Variants in CPA6 observed in about 807,000 individuals in gnomAD.
The protein encoded by CPA6 is carboxypeptidase B.
A neutral mutation model predicts 63.3 loss-of-function variants in CPA6; 58 were observed. That is an observed-to-expected ratio of 0.92 (90% CI 0.74 to 1.14). The LOEUF is 1.14. Among genes scored for constraint, CPA6 ranks in the 50% most tolerant of loss-of-function variants. The pLI, the probability that CPA6 is intolerant of heterozygous loss-of-function variation, is 0.00. For synonymous variants in CPA6, 185 were observed against 179.0 expected (o/e 1.03, Z -0.27); for missense variants, 565 against 526.6 (o/e 1.07, Z -0.71).
rs375296440 is a variant in CPA6, at chr8:67,483,816, G to A, written c.790C>T (p.Arg264Cys). The A allele has an allele frequency of 5.0e-6, 8 of 1,614,018 alleles. No individual in the cohort carries two copies. The highest frequency in any genetic ancestry group is 1.7e-5 in the Admixed American group (1 of 60,004). The change falls in exon 8 of 11, where the codon CGC becomes TGC. Residue 264 changes from arginine to cysteine, a missense_variant. Transcript: ENST00000297770. ...CTATTGGCATCCACTCCACGGCAGC[G>A]AAACCTTGAGTTCCTTGACCTTGTT... ...RKTRSRNSRF[R>C]CRGVDANRNW...
chr8:67,657,021 C>T (rs1214367605), intron 1 of CPA6, among the ~76,000 whole-genome samples: 1 of 152,208 alleles, frequency 6.6e-6, no homozygotes, highest in African/African-American at 2.4e-5. Context: ...TTCTACCTCC[C>T]ATCTCCCTAC....
chr8:67,438,186 G>A (rs901405378), intron 8 of CPA6, among the ~76,000 whole-genome samples: 1 of 152,168 alleles, frequency 6.6e-6, no homozygotes, highest in African/African-American at 2.4e-5. Flanking sequence ...CGAAAGTGCT[G>A]GGATTACAGG....
At chr8:67,639,579 AG>A (rs1427677778) in intron 1 of CPA6, among the ~76,000 whole-genome samples, 1 of 151,574 alleles carries the variant, frequency 6.6e-6, no homozygotes, top group East Asian at 1.9e-4. Context: ...GGTGCCCGGA[AG>A]CTTGGGATGC....
At chr8:67,430,273 A>G (rs1176529174) in intron 9 of CPA6, among the ~76,000 whole-genome samples, 1 of 149,990 alleles carries the variant, frequency 6.7e-6, no homozygotes, top group East Asian at 2.0e-4. Flanking sequence ...TCTGCCTACC[A>G]GGTTCAAGTC....
chr8:67,626,676 A>G (rs781568167), intron 1 of CPA6, among the ~76,000 whole-genome samples: 1 of 152,130 alleles, frequency 6.6e-6, no homozygotes, highest in Non-Finnish European at 1.5e-5. Flanking sequence ...TGGATTCATC[A>G]TACCCTGGCC....
intron 2 of CPA6, among the ~76,000 whole-genome samples, chr8:67,543,978 G>A (rs1260160175): frequency 6.6e-6 from 1 of 151,952 alleles, no homozygotes; most frequent in Non-Finnish European, 1.5e-5. Context: ...TGTAGAGATA[G>A]AGTCTTTCTC....
At chr8:67,698,247 C>G (rs921575465) in intron 1 of CPA6, among the ~76,000 whole-genome samples, 16 of 152,116 alleles carry the variant, frequency 1.1e-4, no homozygotes, top group African/African-American at 3.1e-4. Flanking sequence ...ATAAAAATAA[C>G]CTGATATAAA....
At chr8:67,722,466 A>G (rs1817519812) in intron 1 of CPA6, among the ~76,000 whole-genome samples, 1 of 152,330 alleles carries the variant, frequency 6.6e-6, no homozygotes, top group Non-Finnish European at 1.5e-5. Context: ...TTCCTTCTAG[A>G]TGTGTGCGGT....
chr8:67,651,445 T>TTTTA lies in CPA6; in HGVS notation c.117-27198_117-27195dup, dbSNP rs539793615. ...CTGCCTCACACCACACGCCATTTCC[T>TTTTA]TTTATTTATTTATTTATTTTTTAAT... On this transcript the variant is annotated intron_variant, in intron 1 of 10. Coordinates refer to ENST00000297770, the MANE Select transcript of CPA6 (RefSeq NM_020361.5). Among the ~76,000 whole-genome samples the TTTTA allele has an allele frequency of 4.6e-5, 7 of 152,274 alleles. No homozygotes were observed. The South Asian group carries it at 6.2e-4, about 14-fold the overall frequency.
intron 2 of CPA6, among the ~76,000 whole-genome samples, chr8:67,567,170 C>T (rs894724644): frequency 2.0e-5 from 3 of 152,120 alleles, no homozygotes; most frequent in African/African-American, 7.2e-5. Flanking sequence ...ATTATTCAGA[C>T]AATAGGGTCA....
intron 8 of CPA6, among the ~76,000 whole-genome samples, chr8:67,435,420 T>G (rs1182541446): frequency 6.6e-6 from 1 of 151,970 alleles, no homozygotes; most frequent in African/African-American, 2.4e-5. Context: ...CCCACAGATG[T>G]TGGGGGCTGG....
At chr8:67,611,151 C>T (rs373015569) in intron 2 of CPA6, among the ~76,000 whole-genome samples, 2 of 151,718 alleles carry the variant, frequency 1.3e-5, no homozygotes, top group East Asian at 3.9e-4. Flanking sequence ...GGTGCAATGC[C>T]GGCTCACTGC....
intron 2 of CPA6, among the ~76,000 whole-genome samples, chr8:67,564,327 G>T (rs1366535107): frequency 6.6e-6 from 1 of 151,372 alleles, no homozygotes; most frequent in Non-Finnish European, 1.5e-5. Context: ...AGCTTTTTTT[G>T]TTTGTTTGTT....
rs376304846 is a variant in CPA6 at position 67,746,229 on chromosome 8, G to C, written c.-100C>G. 4.0e-6 allele frequency: 3 copies of C among 759,466 alleles called. No individual in the cohort carries two copies. The highest frequency in any genetic ancestry group is 2.8e-5 in the East Asian group (1 of 36,072). 47.0% of individuals were successfully genotyped at this position (759,466 alleles called of 1,614,324 possible). ...CACACCGCACAGGTTCTCCGGGAAG[G>C]GGGTGGGCGAGGAAGGTTGAGAGTG... On this transcript the variant is annotated 5_prime_UTR_variant, in exon 1 of 11. Transcript: ENST00000297770.
At chr8:67,580,105 G>C (rs899098989) in intron 2 of CPA6, among the ~76,000 whole-genome samples, 6 of 152,198 alleles carry the variant, frequency 3.9e-5, no homozygotes, top group African/African-American at 1.4e-4. Context: ...TTGAGGACAG[G>C]AAAGAAGGGA....
chr8:67,531,324 A>G (rs535153131), intron 2 of CPA6, among the ~76,000 whole-genome samples: 1 of 152,286 alleles, frequency 6.6e-6, no homozygotes, highest in South Asian at 2.1e-4. Context: ...TCTAGGTAAA[A>G]TAACATGTAT....
intron 1 of CPA6, among the ~76,000 whole-genome samples, chr8:67,682,708 G>A (rs1156230016): frequency 6.6e-6 from 1 of 152,144 alleles, no homozygotes; most frequent in Non-Finnish European, 1.5e-5. Flanking sequence ...AGCTTTCCAG[G>A]ATTTATTAGA....
chr8:67,736,105 A>G (rs1285065502), intron 1 of CPA6, among the ~76,000 whole-genome samples: 3 of 152,056 alleles, frequency 2.0e-5, no homozygotes, highest in African/African-American at 7.2e-5. Context: ...CCTACTTTAC[A>G]GAGAAAGGAG....
chr8:67,453,079 A>G (rs6472299), intron 8 of CPA6, among the ~76,000 whole-genome samples: 40,941 of 151,826 alleles, frequency 0.27, 6,880 homozygotes, highest in African/African-American at 0.48. Flanking sequence ...TAAAAGGTTC[A>G]TGGTGGCTGA....
Sources: gnomAD v4.1 joint callset for allele counts (sites outside exome capture counted in the v4.1 genomes callset) on GRCh38, gnomAD v4.1.1 for gene constraint, MANE v1.5 for transcripts, NCBI Gene and HGNC (gene_info 2026-07-23, HGNC 2026-07-21) for gene names.